The following ASCC3 variants were observed in gnomAD, a reference collection of about 807,000 sequenced individuals.
The protein encoded by ASCC3 is activating signal cointegrator 1 complex subunit 3, also known as ASC-1 complex subunit P200.
In ASCC3, 158 loss-of-function variants were observed where a neutral mutation model predicts 256.3. That is an observed-to-expected ratio of 0.62 (90% CI 0.54 to 0.70). ASCC3 has a LOEUF of 0.70. Among genes scored for constraint, ASCC3 ranks in the 30% least tolerant of loss-of-function variants. The probability of loss-of-function intolerance (pLI) is 0.00; values close to 1 mark genes in which losing one functional copy is unlikely to be tolerated. For synonymous variants in ASCC3, 948 were observed against 883.4 expected, an observed-to-expected ratio of 1.07 and a Z score of -1.30; for missense variants, 2,259 against 2,626.0, an observed-to-expected ratio of 0.86 and a Z score of 3.05.
At chr6:100,740,679 T>C (rs1780393551) in intron 10 of ASCC3, among the ~76,000 whole-genome samples, 1 of 152,090 alleles carries the variant, frequency 6.6e-6, no homozygotes, top group African/African-American at 2.4e-5. Flanking sequence ...CTTCCTTGTC[T>C]TTTTTTATCT....
At chr6:100,612,708 A>G (rs1773468907) in intron 30 of ASCC3, among the ~76,000 whole-genome samples, 1 of 152,034 alleles carries the variant, frequency 6.6e-6, no homozygotes, top group Admixed American at 6.6e-5. Context: ...AGGAAGAAAA[A>G]CAATGAAACA....
At chr6:100,758,256 T>G (rs534354932) in intron 10 of ASCC3, among the ~76,000 whole-genome samples, 1 of 152,318 alleles carries the variant, frequency 6.6e-6, no homozygotes, top group East Asian at 1.9e-4. Flanking sequence ...TTATTTGTAT[T>G]TTACTTTAAG....
chr6:100,681,725 CAAAAAAAAA>C (rs10696130), intron 13 of ASCC3, among the ~76,000 whole-genome samples: 2 of 58,682 alleles, frequency 3.4e-5, no homozygotes, highest in Non-Finnish European at 5.8e-5. Flanking sequence ...GACTCCGTCT[CAAAAAAAAA>C]AAAAAAAAAA....
intron 3 of ASCC3, among the ~76,000 whole-genome samples, chr6:100,855,818 C>T (rs1772915939): frequency 6.6e-6 from 1 of 152,172 alleles, no homozygotes; most frequent in African/African-American, 2.4e-5. Flanking sequence ...GCACTTTATA[C>T]TACTACTTAA....
intron 13 of ASCC3, among the ~76,000 whole-genome samples, chr6:100,698,780 C>A (rs1312575087): frequency 6.6e-6 from 1 of 152,126 alleles, no homozygotes; most frequent in Non-Finnish European, 1.5e-5. Flanking sequence ...TGTTACTGTT[C>A]CACATCTCAA....
chr6:100,632,740 T>C (rs1774621092), intron 25 of ASCC3, among the ~76,000 whole-genome samples: 1 of 152,088 alleles, frequency 6.6e-6, no homozygotes, highest in Admixed American at 6.6e-5. Flanking sequence ...GATATTCTCT[T>C]CTATGAATGA....
intron 36 of ASCC3, among the ~76,000 whole-genome samples, chr6:100,564,803 G>A (rs1015531013): frequency 6.6e-6 from 1 of 151,716 alleles, no homozygotes; most frequent in Admixed American, 6.6e-5. Context: ...AGAAAATGAA[G>A]GAAAAACTAG....
intron 37 of ASCC3, among the ~76,000 whole-genome samples, chr6:100,519,832 T>C (rs1291689833): frequency 6.6e-6 from 1 of 152,154 alleles, no homozygotes; most frequent in East Asian, 1.9e-4. Context: ...TTCCCCACAA[T>C]TTTTCACTGT....
At chr6:100,810,022 C>T (rs778840487) in intron 4 of ASCC3, among the ~76,000 whole-genome samples, 6 of 152,050 alleles carry the variant, frequency 3.9e-5, no homozygotes, top group Non-Finnish European at 5.9e-5. Flanking sequence ...GTTTAAAATC[C>T]TTCATAGTAT....
intron 10 of ASCC3, among the ~76,000 whole-genome samples, chr6:100,757,016 A>T (rs955530011): frequency 6.6e-6 from 1 of 152,154 alleles, no homozygotes; most frequent in African/African-American, 2.4e-5. Flanking sequence ...AAAGGTGTTA[A>T]CTTTGTTCAA....
chr6:100,561,311 A>G (rs934563512), intron 36 of ASCC3, among the ~76,000 whole-genome samples: 15 of 152,130 alleles, frequency 9.9e-5, no homozygotes, highest in African/African-American at 3.6e-4. Flanking sequence ...AAAGAAATAC[A>G]TAAATGCACA....
intron 33 of ASCC3, among the ~76,000 whole-genome samples, chr6:100,602,411 C>T (rs538250529): frequency 6.6e-6 from 1 of 151,916 alleles, no homozygotes. Context: ...CTTATCACTA[C>T]CAATCATTTT....
chr6:100,561,033 AC>A (rs1381014752), intron 36 of ASCC3, among the ~76,000 whole-genome samples: 1 of 151,998 alleles, frequency 6.6e-6, no homozygotes. Context: ...AAATATAGCA[AC>A]CAACCACTTG....
At chr6:100,832,578 TAAAAG>T (rs1771674848) in intron 4 of ASCC3, among the ~76,000 whole-genome samples, 1 of 151,972 alleles carries the variant, frequency 6.6e-6, no homozygotes, top group Non-Finnish European at 1.5e-5. Context: ...ATTTTTAACT[TAAAAG>T]AAAGAAAGCT....
chr6:100,658,110 C>T (rs2114924835), intron 16 of ASCC3, among the ~76,000 whole-genome samples: 1 of 151,602 alleles, frequency 6.6e-6, no homozygotes, highest in South Asian at 2.1e-4. Context: ...GGAGGTGAGA[C>T]ATATGTAACT....
At chr6:100,614,331 G>T (rs1203832651) in intron 30 of ASCC3, among the ~76,000 whole-genome samples, 2 of 152,064 alleles carry the variant, frequency 1.3e-5, no homozygotes, top group Non-Finnish European at 2.9e-5. Flanking sequence ...AGGCAAAAAG[G>T]TACAAATATA....
Position 100,848,317 on chromosome 6 carries a change from T to A in ASCC3, c.632A>T (p.Glu211Val), listed in dbSNP as rs200747187. ...NEHLQEACTP[E>V]LKPVEKTNGS... The stretch of plus-strand genomic sequence containing the variant: ...ATTTGTTTTTTCCACAGGCTTGAGT[T>A]CTGGGGTGCAAGCCTCCTGGAGATG... Residue 211 changes from glutamate to valine, a missense_variant, in exon 4 of 42, where the codon GAA (glutamate) becomes GTA (valine). Physicochemically the swap from Glu to Val is moderately radical, Grantham distance 121 (BLOSUM62 -2). Around this residue, in one of 2 missense-constraint regions of ASCC3, gnomAD observed 420 missense variants for 419.3 expected, o/e 1.00. Coordinates refer to ENST00000369162, the MANE Select transcript of ASCC3 (RefSeq NM_006828.4). The A allele has an allele frequency of 4.1e-5, 66 of 1,614,006 alleles. No individual in the cohort carries two copies. The highest frequency in any genetic ancestry group is 2.2e-4 in the South Asian group (20 of 91,080).
chr6:100,676,928 C>G (rs567034416), intron 14 of ASCC3, among the ~76,000 whole-genome samples: 1 of 152,138 alleles, frequency 6.6e-6, no homozygotes, highest in African/African-American at 2.4e-5. Context: ...GGTAAGGCAT[C>G]ACTGTGGCAT....
chr6:100,717,774 C>T (rs900167487), intron 12 of ASCC3, among the ~76,000 whole-genome samples: 3 of 151,906 alleles, frequency 2.0e-5, no homozygotes, highest in African/African-American at 4.8e-5. Flanking sequence ...AATCATTTCA[C>T]GTCAAAATAA....
Sources: gnomAD v4.1 joint callset for allele counts (sites outside exome capture counted in the v4.1 genomes callset) on GRCh38, gnomAD v4.1.1 for gene constraint, gnomAD v4.1.1 regional missense constraint, MANE v1.5 for transcripts, NCBI Gene and HGNC (gene_info 2026-07-23, HGNC 2026-07-21) for gene names.